The following ERBB4 variants were observed in gnomAD, a reference collection of about 807,000 sequenced individuals.
ERBB4 encodes erb-b2 receptor tyrosine kinase 4.
In ERBB4, 42 loss-of-function variants were observed where a neutral mutation model predicts 158.0. The observed-to-expected ratio is 0.27, with a 90% CI of 0.21 to 0.34. The LOEUF (loss-of-function observed/expected upper bound fraction) is 0.34, where lower values mean the gene tolerates loss of function less well. Ranked by LOEUF, ERBB4 falls within the 10% of genes least tolerant of loss-of-function variation. The pLI is 1.00. For missense variants in ERBB4, 1,333 were observed against 1,624.1 expected, an observed-to-expected ratio of 0.82 and a Z score of 3.08; for synonymous variants, 583 against 558.7, an observed-to-expected ratio of 1.04 and a Z score of -0.61.
chr2:211,702,191 G>A (rs910622421), intron 11 of ERBB4, 25 bp from the exon 12 acceptor site: 7 of 1,586,088 alleles, frequency 4.4e-6, no homozygotes, highest in African/African-American at 2.7e-5. Context: ...GTGAGAAAAC[G>A]GAACCATGAA....
At chr2:212,402,794 AAG>A in intron 1 of ERBB4, among the ~76,000 whole-genome samples, 1 of 151,928 alleles carries the variant, frequency 6.6e-6, no homozygotes, top group Non-Finnish European at 1.5e-5. Context: ...TTTGTACAAA[AAG>A]AAATAAAAAC....
At chr2:211,524,604 C>T (rs1034196383) in intron 20 of ERBB4, among the ~76,000 whole-genome samples, 14 of 152,066 alleles carry the variant, frequency 9.2e-5, no homozygotes, top group African/African-American at 2.9e-4. Context: ...GTACACCCTC[C>T]GCAGCCGCTG....
chr2:212,537,136 G>A (rs1339417312), intron 1 of ERBB4, among the ~76,000 whole-genome samples: 1 of 116,988 alleles, frequency 8.5e-6, no homozygotes, highest in Non-Finnish European at 1.7e-5. Context: ...CAAAGGAGGC[G>A]GCGGCGGCGG....
At chr2:211,411,989 A>G (rs921451268) in intron 25 of ERBB4, among the ~76,000 whole-genome samples, 1 of 152,178 alleles carries the variant, frequency 6.6e-6, no homozygotes, top group African/African-American at 2.4e-5. Flanking sequence ...TTGGATCTCG[A>G]TTAGAGTAAT....
chr2:212,245,847 A>G lies in ERBB4; in HGVS notation c.83-120944T>C, dbSNP rs568877072. On this transcript the variant is annotated intron_variant, in intron 1 of 27. Coordinates refer to ENST00000342788, the MANE Select transcript of ERBB4 (RefSeq NM_005235.3). ...TGCTCTTTTTCTTGTGCTCTCTGAGATACTCCCCTTTCCTTCTCACTATTT... is the reference window on the plus strand; with the variant it reads ...TGCTCTTTTTCTTGTGCTCTCTGAGGTACTCCCCTTTCCTTCTCACTATTT... Among the ~76,000 whole-genome samples the G allele has an allele frequency of 4.7e-4, 71 of 152,232 alleles. 1 individual carries two copies. In the South Asian group the frequency reaches 0.014, roughly 29 times the overall value.
intron 19 of ERBB4, among the ~76,000 whole-genome samples, chr2:211,580,874 TATATA>T (rs2068074569): frequency 0.026 from 24 of 928 alleles, no homozygotes; most frequent in African/African-American, 0.047. Context: ...TACATATATA[TATATA>T]TATATATATA....
chr2:211,546,318 CAT>C (rs932486996), intron 20 of ERBB4, among the ~76,000 whole-genome samples: 6 of 151,966 alleles, frequency 3.9e-5, no homozygotes, highest in Non-Finnish European at 8.8e-5. Context: ...CATATGCATA[CAT>C]ATATATTTAT....
At chr2:212,191,706 TTATACA>T (rs1559703297) in intron 1 of ERBB4, among the ~76,000 whole-genome samples, 2 of 145,268 alleles carry the variant, frequency 1.4e-5, no homozygotes, top group African/African-American at 5.2e-5. Context: ...ATAACACGTG[TTATACA>T]TGTTACATAT....
rs374679502 is a variant in ERBB4, at chr2:211,684,366, G to A, written c.1490-5182C>T. ...CTCAGAAGGCTGAAGAGGGAGAATCGCTTGAAACCGGGAGGTGGAGGTTTC... is the reference window on the plus strand; with the variant it reads ...CTCAGAAGGCTGAAGAGGGAGAATCACTTGAAACCGGGAGGTGGAGGTTTC... On this transcript the variant is annotated intron_variant, in intron 12 of 27. Transcript: ENST00000342788. 2.3e-4 allele frequency among the ~76,000 whole-genome samples: 35 copies of A among 152,198 alleles called. 1 individual carries two copies. The East Asian group carries it at 2.9e-3, about 13-fold the overall frequency.
chr2:212,005,093 A>G (rs2125292009), intron 2 of ERBB4, among the ~76,000 whole-genome samples: 1 of 152,326 alleles, frequency 6.6e-6, no homozygotes, highest in South Asian at 2.1e-4. Context: ...AAATAAAATG[A>G]TTTCCACTCC....
chr2:212,517,233 G>A (rs1232750586), intron 1 of ERBB4, among the ~76,000 whole-genome samples: 1 of 152,024 alleles, frequency 6.6e-6, no homozygotes, highest in Non-Finnish European at 1.5e-5. Context: ...CATGGCCTGT[G>A]TCAGAAAGAG....
chr2:212,390,946 C>T (rs2090836507), intron 1 of ERBB4, among the ~76,000 whole-genome samples: 1 of 151,746 alleles, frequency 6.6e-6, no homozygotes. Context: ...TAAAACAAAT[C>T]TAAAAATGCA....
chr2:211,549,805 A>G (rs920307745), intron 20 of ERBB4, among the ~76,000 whole-genome samples: 6 of 152,142 alleles, frequency 3.9e-5, no homozygotes, highest in African/African-American at 1.2e-4. Context: ...TTCTGCTGTG[A>G]TGGGAGTGAA....
Position 211,465,711 on chromosome 2 carries a change from C to T in ERBB4, c.2488-34611G>A, listed in dbSNP as rs184650429. On this transcript the variant is annotated intron_variant, in intron 20 of 27. Transcript: ENST00000342788. ...AACAAAATACAGGACAAAGAAACCTCCTATCTGCTTTTCTAAGACTTGCCG... is the reference window on the plus strand; with the variant it reads ...AACAAAATACAGGACAAAGAAACCTTCTATCTGCTTTTCTAAGACTTGCCG... 1.1e-3 allele frequency among the ~76,000 whole-genome samples: 160 copies of T among 152,228 alleles called. No homozygotes were observed. The Middle Eastern group carries it at 0.017, about 16-fold the overall frequency.
At chr2:212,284,904 G>T (rs1332605692) in intron 1 of ERBB4, among the ~76,000 whole-genome samples, 1 of 152,066 alleles carries the variant, frequency 6.6e-6, no homozygotes, top group Non-Finnish European at 1.5e-5. Flanking sequence ...AAGCCTCAGT[G>T]TTTTAAGCTG....
At chr2:211,529,332 GTAA>G (rs983281569) in intron 20 of ERBB4, among the ~76,000 whole-genome samples, 1 of 151,476 alleles carries the variant, frequency 6.6e-6, no homozygotes, top group African/African-American at 2.4e-5. Context: ...GAACAAACAA[GTAA>G]TAAGTAATGA....
intron 25 of ERBB4, among the ~76,000 whole-genome samples, chr2:211,395,149 C>T (rs1019993475): frequency 5.9e-5 from 9 of 151,964 alleles, no homozygotes; most frequent in Admixed American, 1.3e-4. Context: ...CGACTCATCG[C>T]TTTTTCTTTC....
At chr2:212,294,413 T>G (rs1255181042) in intron 1 of ERBB4, among the ~76,000 whole-genome samples, 1 of 152,048 alleles carries the variant, frequency 6.6e-6, no homozygotes, top group African/African-American at 2.4e-5. Flanking sequence ...CATCTGATTT[T>G]TGTTGTTGTT....
At chr2:211,752,609 T>C (rs2075167605) in intron 4 of ERBB4, among the ~76,000 whole-genome samples, 1 of 151,980 alleles carries the variant, frequency 6.6e-6, no homozygotes, top group African/African-American at 2.4e-5. Flanking sequence ...ACAAAATTCA[T>C]ATTAGACATT....
Sources: gnomAD v4.1 joint callset for allele counts (sites outside exome capture counted in the v4.1 genomes callset) on GRCh38, gnomAD v4.1.1 for gene constraint, MANE v1.5 for transcripts, NCBI Gene and HGNC (gene_info 2026-07-23, HGNC 2026-07-21) for gene names.